Variants in TBC1D19 observed in about 807,000 individuals in gnomAD.
TBC1D19 encodes TBC1 domain family, member 19.
In TBC1D19, 60 loss-of-function variants were observed where a neutral mutation model predicts 89.0. The ratio of observed to expected loss-of-function variants is 0.67; its 90% confidence interval spans 0.55 to 0.84. The LOEUF (loss-of-function observed/expected upper bound fraction) is 0.84. Ranked by LOEUF, TBC1D19 falls within the 40% of genes least tolerant of loss-of-function variation. The pLI is 0.00. For missense variants in TBC1D19, 500 were observed against 610.8 expected (o/e 0.82, Z 1.91); for synonymous variants, 189 against 199.7 (o/e 0.95, Z 0.45).
chr4:26,680,791 C>T (rs1170116862), intron 11 of TBC1D19, among the ~76,000 whole-genome samples: 2 of 152,160 alleles, frequency 1.3e-5, no homozygotes, highest in East Asian at 3.8e-4. Flanking sequence ...TTAGTTCACC[C>T]TGTTTTCTTA....
the TBC1D19 span, among the ~76,000 whole-genome samples, chr4:26,831,842 C>T: frequency 2.0e-5 from 3 of 152,182 alleles, no homozygotes; most frequent in East Asian, 1.9e-4. Flanking sequence ...CTGCCCACCT[C>T]GGCAGATCAA....
upstream of TBC1D19, among the ~76,000 whole-genome samples, chr4:26,579,314 G>C (rs554141513): frequency 6.6e-6 from 1 of 152,162 alleles, no homozygotes; most frequent in East Asian, 1.9e-4. Context: ...AATTGAGGAC[G>C]AAACACCAGA....
the TBC1D19 span, among the ~76,000 whole-genome samples, chr4:26,836,551 G>A: frequency 6.6e-6 from 1 of 152,194 alleles, no homozygotes; most frequent in Non-Finnish European, 1.5e-5. Flanking sequence ...GTAGAGGTAC[G>A]AACAGGTGTC....
chr4:26,685,074 G>A (rs957384211), intron 12 of TBC1D19, among the ~76,000 whole-genome samples: 4 of 152,182 alleles, frequency 2.6e-5, no homozygotes, highest in Non-Finnish European at 5.9e-5. Flanking sequence ...GCAATCATTG[G>A]TGGCCTGGGA....
intron 15 of TBC1D19, among the ~76,000 whole-genome samples, chr4:26,734,266 G>A (rs926132858): frequency 2.0e-5 from 3 of 152,152 alleles, no homozygotes; most frequent in Admixed American, 1.3e-4. Context: ...TTAAACTGAG[G>A]CTGAACTATC....
In TBC1D19 at chr4:26,717,879, A is replaced by G. The variant is rs1000568446; in HGVS notation, c.955-54A>G. On this transcript the variant is annotated intron_variant, in intron 13 of 20. Transcript: ENST00000264866. ...CCTCCTGAGTAGGAAATAATGAATTACCTGGTTTTATAATAGTGCTTAATT... is the reference window on the plus strand; with the variant it reads ...CCTCCTGAGTAGGAAATAATGAATTGCCTGGTTTTATAATAGTGCTTAATT... 61 of 1,407,560 alleles carry G rather than the reference A, an allele frequency of 4.3e-5. 3 individuals are homozygous for G. In the South Asian group the frequency reaches 6.6e-4, roughly 15 times the overall value. 87.2% of individuals were successfully genotyped at this position (1,407,560 alleles called of 1,614,324 possible).
At chr4:26,669,922 G>T (rs1712141968) in intron 9 of TBC1D19, among the ~76,000 whole-genome samples, 1 of 151,672 alleles carries the variant, frequency 6.6e-6, no homozygotes, top group South Asian at 2.1e-4. Flanking sequence ...AGGATGAAAA[G>T]AATCGAGTTG....
chr4:26,625,857 G>A (rs781376436), intron 4 of TBC1D19, among the ~76,000 whole-genome samples: 5 of 151,976 alleles, frequency 3.3e-5, no homozygotes, highest in Admixed American at 6.6e-5. Context: ...ATGATTTATC[G>A]CTGTAGGTGT....
chr4:26,736,534 T>TAA (rs1302093908), intron 16 of TBC1D19, among the ~76,000 whole-genome samples: 1 of 152,020 alleles, frequency 6.6e-6, no homozygotes, highest in African/African-American at 2.4e-5. Context: ...CCCTAAAACT[T>TAA]AAAGTATAAT....
At chr4:26,786,431 G>A in the TBC1D19 span, among the ~76,000 whole-genome samples, 1 of 152,106 alleles carries the variant, frequency 6.6e-6, no homozygotes. Context: ...TCAGGAGATC[G>A]AGACCATCCT....
the TBC1D19 span, among the ~76,000 whole-genome samples, chr4:26,837,907 T>TA: frequency 4.6e-5 from 7 of 152,034 alleles, no homozygotes; most frequent in Non-Finnish European, 7.4e-5. Context: ...GGAGATTTTA[T>TA]AAAAAAATTG....
intron 9 of TBC1D19, among the ~76,000 whole-genome samples, chr4:26,666,869 C>T (rs888975160): frequency 6.6e-6 from 1 of 151,874 alleles, no homozygotes; most frequent in African/African-American, 2.4e-5. Flanking sequence ...TTAAATACTA[C>T]ACTGGTATTT....
intron 11 of TBC1D19, among the ~76,000 whole-genome samples, chr4:26,680,355 AC>A (rs1301798172): frequency 2.6e-5 from 4 of 152,102 alleles, no homozygotes; most frequent in Non-Finnish European, 5.9e-5. Flanking sequence ...TGTTCCATCT[AC>A]TTTTAAAAAA....
intron 13 of TBC1D19, among the ~76,000 whole-genome samples, chr4:26,689,260 G>A (rs1380398979): frequency 6.6e-6 from 1 of 151,978 alleles, no homozygotes; most frequent in African/African-American, 2.4e-5. Context: ...AGATTCCTGT[G>A]ATTTCAAATG....
chr4:26,689,097 G>A (rs1273240808), intron 13 of TBC1D19, among the ~76,000 whole-genome samples: 1 of 151,958 alleles, frequency 6.6e-6, no homozygotes, highest in Non-Finnish European at 1.5e-5. Context: ...TTTGAAAATG[G>A]TATTGTGGTG....
At chr4:26,683,634 G>A (rs1422675222) in intron 11 of TBC1D19, 41 bp from the exon 12 acceptor site, 3 of 1,508,836 alleles carry the variant, frequency 2.0e-6, no homozygotes, top group African/African-American at 1.4e-5. Context: ...CTTTATAAAT[G>A]TGATTGACCT....
chr4:26,611,288 T>A (rs1741365972), intron 1 of TBC1D19, among the ~76,000 whole-genome samples: 2 of 152,192 alleles, frequency 1.3e-5, no homozygotes, highest in South Asian at 4.1e-4. Context: ...GTCCTGCCTA[T>A]TTTTAAAATG....
chr4:26,815,944 G>A, the TBC1D19 span, among the ~76,000 whole-genome samples: 162 of 152,268 alleles, frequency 1.1e-3, no homozygotes, highest in African/African-American at 3.4e-3. Flanking sequence ...CCTGCAGAGC[G>A]AATGAATGCT....
intron 6 of TBC1D19, among the ~76,000 whole-genome samples, chr4:26,639,116 A>T (rs997965285): frequency 6.6e-6 from 1 of 152,178 alleles, no homozygotes; most frequent in African/African-American, 2.4e-5. Flanking sequence ...TAGCATGATC[A>T]CAGCTCACTT....
Sources: allele counts gnomAD v4.1 joint callset (sites outside exome capture counted in the v4.1 genomes callset), GRCh38; gene constraint gnomAD v4.1.1; transcripts MANE v1.5; gene names NCBI Gene and HGNC (gene_info 2026-07-23, HGNC 2026-07-21).